TNNI3K: variants seen among roughly 807,000 people sequenced by gnomAD.
The protein encoded by TNNI3K is TNNI3 interacting kinase, also known as serine/threonine-protein kinase TNNI3K.
Under a neutral mutation model 114.5 loss-of-function variants are expected in TNNI3K, and 140 were observed. The ratio of observed to expected loss-of-function variants is 1.22; its 90% confidence interval spans 1.07 to 1.41. The LOEUF (loss-of-function observed/expected upper bound fraction) is 1.41, where lower values mean the gene tolerates loss of function less well. TNNI3K is among the 40% of genes most tolerant of loss of function. TNNI3K has a pLI of 0.00. For synonymous variants in TNNI3K, 347 were observed against 347.5 expected (o/e 1.00, Z 0.02); for missense variants, 1,125 against 1,007.6 (o/e 1.12, Z -1.58).
chr1:74,299,265 C>A (rs563621050), intron 5 of TNNI3K, among the ~76,000 whole-genome samples: 43 of 152,198 alleles, frequency 2.8e-4, no homozygotes, highest in Non-Finnish European at 5.0e-4. Flanking sequence ...GCTTTTGCAT[C>A]TTTGTGACAG....
intron 23 of TNNI3K, among the ~76,000 whole-genome samples, chr1:74,536,006 A>G (rs1646657239): frequency 2.0e-5 from 3 of 152,168 alleles, no homozygotes; most frequent in Non-Finnish European, 2.9e-5. Context: ...TAATGTATCC[A>G]TGGTAGCTCC....
At chr1:74,276,215 G>A (rs80156576) in intron 5 of TNNI3K, among the ~76,000 whole-genome samples, 2 of 151,942 alleles carry the variant, frequency 1.3e-5, no homozygotes, top group South Asian at 2.1e-4. Context: ...ACATACAAAC[G>A]GCATTTAATG....
chr1:74,395,140 G>A (rs1181702531), intron 17 of TNNI3K, among the ~76,000 whole-genome samples: 3 of 152,146 alleles, frequency 2.0e-5, no homozygotes, highest in South Asian at 2.1e-4. Context: ...CAGCCTATGA[G>A]GAACCAGGGA....
intron 5 of TNNI3K, among the ~76,000 whole-genome samples, chr1:74,307,919 T>C (rs1658749888): frequency 6.6e-6 from 1 of 152,086 alleles, no homozygotes; most frequent in African/African-American, 2.4e-5. Flanking sequence ...GCCGAGATTG[T>C]GCCACTGCAC....
chr1:74,355,230 T>C (rs2100484019), intron 11 of TNNI3K, among the ~76,000 whole-genome samples: 1 of 152,350 alleles, frequency 6.6e-6, no homozygotes, highest in Middle Eastern at 3.4e-3. Context: ...ACTCAAATCC[T>C]AAAAGATTGT....
chr1:74,408,034 C>T (rs905191888), intron 17 of TNNI3K, among the ~76,000 whole-genome samples: 4 of 152,250 alleles, frequency 2.6e-5, no homozygotes, highest in Admixed American at 2.0e-4. Flanking sequence ...CACTCCCATA[C>T]AGTAACAATC....
chr1:74,353,301 A>G lies in TNNI3K; in HGVS notation c.968A>G (p.Lys323Arg). 1 of 1,613,892 alleles carries G rather than the reference A, an allele frequency of 6.2e-7. No individual in the cohort carries two copies. The highest frequency in any genetic ancestry group is 8.5e-7 in the Non-Finnish European group (1 of 1,179,942). ...CTYGKSIDLV[K>R]FLLDQNVINI... ...TATGGCAAGAGCATTGACCTAGTCA[A>G]ATTTCTTCTTGATCAGAATGTCATA... The change falls in exon 10 of 25, where the codon AAA (lysine) becomes AGA (arginine). Residue 323 changes from lysine (K) to arginine (R), a missense_variant. Physicochemically the swap from Lys to Arg is conservative, Grantham distance 26. Coordinates refer to ENST00000326637, the MANE Select transcript of TNNI3K (RefSeq NM_015978.3).
rs45447597 is a variant in TNNI3K at position 74,275,034 on chromosome 1, G to T, written c.444+3326G>T. Among the ~76,000 whole-genome samples the T allele has an allele frequency of 4.5e-3, 691 of 152,116 alleles. 4 individuals carry two copies. Among genetic ancestry groups the T allele is most frequent in the African/African-American group, 0.016 (667 of 41,528 alleles). On this transcript the variant is annotated intron_variant, in intron 5 of 24. Coordinates refer to ENST00000326637, the MANE Select transcript of TNNI3K (RefSeq NM_015978.3). Reference sequence around the variant, plus strand: ...TCAAAAAATTGTAAGCTGAACCATCGTAAGTTAGGGATTATCTATTATTAG... The same window carrying T: ...TCAAAAAATTGTAAGCTGAACCATCTTAAGTTAGGGATTATCTATTATTAG...
intron 11 of TNNI3K, among the ~76,000 whole-genome samples, chr1:74,359,963 T>C (rs1661867607): frequency 6.6e-6 from 1 of 151,962 alleles, no homozygotes; most frequent in South Asian, 2.1e-4. Flanking sequence ...ACTTTGTCAC[T>C]TAGGTCAGAA....
intron 23 of TNNI3K, among the ~76,000 whole-genome samples, chr1:74,519,569 GC>G (rs1646400967): frequency 1.6e-5 from 2 of 126,652 alleles, no homozygotes; most frequent in Admixed American, 1.4e-4. Context: ...TTTAATGATT[GC>G]CTTACTTTAA....
chr1:74,509,018 C>G (rs1389209141), intron 23 of TNNI3K, among the ~76,000 whole-genome samples: 1 of 152,126 alleles, frequency 6.6e-6, no homozygotes, highest in Non-Finnish European at 1.5e-5. Context: ...TGGATAAACC[C>G]CTTTCTGAGG....
intron 17 of TNNI3K, among the ~76,000 whole-genome samples, chr1:74,409,863 A>T (rs1486589350): frequency 3.2e-4 from 49 of 151,814 alleles, no homozygotes; most frequent in Admixed American, 3.2e-3. Flanking sequence ...TATATTTTTT[A>T]TTATTATTCT....
At chr1:74,250,612 G>T in intron 3 of TNNI3K, 60 bp from the exon 4 acceptor site, 3 of 1,495,772 alleles carry the variant, frequency 2.0e-6, no homozygotes, top group East Asian at 4.8e-5. Flanking sequence ...AGGTCAAAAA[G>T]AGTCTCAAAC....
At position 74,370,300 on chromosome 1, in the gene TNNI3K, G is replaced by A; in HGVS notation, c.1680G>A (p.Leu560=). 6.3e-7 allele frequency: 1 copy of A among 1,590,862 alleles called. No homozygotes were observed. ...LLHEQKRILD[L]QSKLIIAVDV... is the part of the protein sequence containing the mutation. ...TTTTAAATTCTAGGATTCTTGATTT[G>A]CAGTCTAAATTAATTATTGCAGTAG... Residue 560 remains leucine, a synonymous_variant, in exon 17 of 25, where the codon TTG becomes TTA. Coordinates refer to ENST00000326637, the MANE Select transcript of TNNI3K (RefSeq NM_015978.3).
chr1:74,345,764 A>G (rs1289978489), intron 9 of TNNI3K: 1 of 152,204 alleles, frequency 6.6e-6, no homozygotes, highest in African/African-American at 2.4e-5. Flanking sequence ...CAGAGGTATG[A>G]GGGAAACTAC....
At chr1:74,445,333 T>C (rs1375362444) in intron 20 of TNNI3K, among the ~76,000 whole-genome samples, 2 of 143,884 alleles carry the variant, frequency 1.4e-5, no homozygotes, top group Non-Finnish European at 3.0e-5. Context: ...ACTCGTCATC[T>C]AGCATTAGGT....
chr1:74,380,018 A>G (rs918891764), intron 17 of TNNI3K, among the ~76,000 whole-genome samples: 2 of 152,158 alleles, frequency 1.3e-5, no homozygotes, highest in African/African-American at 4.8e-5. Context: ...CTTTAAATGA[A>G]AACAGGTATA....
At chr1:74,427,019 A>G (rs1342158252) in intron 17 of TNNI3K, among the ~76,000 whole-genome samples, 1 of 152,122 alleles carries the variant, frequency 6.6e-6, no homozygotes, top group East Asian at 1.9e-4. Flanking sequence ...GGATCATTTA[A>G]TGATCTTTTC....
intron 20 of TNNI3K, among the ~76,000 whole-genome samples, chr1:74,461,672 G>A (rs1667462029): frequency 6.6e-6 from 1 of 152,112 alleles, no homozygotes; most frequent in Admixed American, 6.6e-5. Context: ...ACCTAATTCT[G>A]GTGCAGATGT....
Sources: gnomAD v4.1 joint callset for allele counts (sites outside exome capture counted in the v4.1 genomes callset) on GRCh38, gnomAD v4.1.1 for gene constraint, MANE v1.5 for transcripts, NCBI Gene and HGNC (gene_info 2026-07-23, HGNC 2026-07-21) for gene names.